CNTN4: variants seen among roughly 807,000 people sequenced by gnomAD.
CNTN4 encodes contactin 4.
Under a neutral mutation model 122.5 loss-of-function variants are expected in CNTN4, and 77 were observed. The observed-to-expected ratio is 0.63, with a 90% CI of 0.52 to 0.76. CNTN4 has a LOEUF of 0.76. Ranked by LOEUF, CNTN4 falls within the 30% of genes least tolerant of loss-of-function variation. The pLI is 0.00. For missense variants in CNTN4, 1,256 were observed against 1,259.1 expected (o/e 1.00, Z 0.04); for synonymous variants, 512 against 447.0 (o/e 1.15, Z -1.83).
At position 3,043,123 on chromosome 3, in the gene CNTN4, C is replaced by T. The variant is rs772978091; in HGVS notation, c.2658C>T (p.Gly886=). 10 of 1,613,952 alleles carry T rather than the reference C, an allele frequency of 6.2e-6. No homozygotes were observed. The highest frequency in any genetic ancestry group is 4.0e-5 in the African/African-American group (3 of 74,886). Residue 886 remains glycine (G), a synonymous_variant, in exon 22 of 25, where the codon GGC becomes GGT. Coordinates refer to ENST00000418658, the MANE Select transcript of CNTN4 (RefSeq NM_175607.3). The part of the protein sequence containing the change: ...AVKAYNSAGT[G]PSSATVNVTT... Reference sequence around the variant, plus strand: ...AGGCATATAATTCTGCTGGGACAGGCCCCTCTAGTGCAACAGTCAATGTGA... The same window carrying T: ...AGGCATATAATTCTGCTGGGACAGGTCCCTCTAGTGCAACAGTCAATGTGA...
At chr3:2,252,250 A>G (rs529670655) in intron 2 of CNTN4, among the ~76,000 whole-genome samples, 1 of 152,150 alleles carries the variant, frequency 6.6e-6, no homozygotes, top group African/African-American at 2.4e-5. Flanking sequence ...ATTATAATGT[A>G]TTAAGTACAG....
intron 3 of CNTN4, among the ~76,000 whole-genome samples, chr3:2,423,480 GTT>G (rs199622494): frequency 1.8e-5 from 2 of 114,206 alleles, no homozygotes; most frequent in Admixed American, 8.8e-5. Flanking sequence ...GTGAAAACTT[GTT>G]TTTTTTTTTT....
chr3:2,320,074 G>T (rs987824690), intron 2 of CNTN4, among the ~76,000 whole-genome samples: 1 of 152,176 alleles, frequency 6.6e-6, no homozygotes, highest in Non-Finnish European at 1.5e-5. Context: ...TTAGCAAAGA[G>T]AATATAGCTG....
intron 2 of CNTN4, among the ~76,000 whole-genome samples, chr3:2,189,965 C>A (rs888831260): frequency 1.3e-5 from 2 of 152,148 alleles, no homozygotes; most frequent in African/African-American, 4.8e-5. Context: ...AGGCTTGGAC[C>A]AGTGTCTCCT....
chr3:3,054,907 G>A (rs1701645059), intron 24 of CNTN4, among the ~76,000 whole-genome samples: 1 of 152,192 alleles, frequency 6.6e-6, no homozygotes, highest in Admixed American at 6.5e-5. Flanking sequence ...GACTTTCACA[G>A]GCTTTCAGAT....
intron 12 of CNTN4, among the ~76,000 whole-genome samples, chr3:2,912,312 A>T (rs1310100472): frequency 1.3e-5 from 2 of 152,242 alleles, no homozygotes; most frequent in African/African-American, 2.4e-5. Context: ...AGGAGCTGCC[A>T]ATCAAGAATA....
chr3:2,371,292 T>C (rs866868293), intron 3 of CNTN4, among the ~76,000 whole-genome samples: 19 of 152,336 alleles, frequency 1.2e-4, no homozygotes, highest in Middle Eastern at 6.8e-3. Flanking sequence ...TTCAACTCTT[T>C]CTTTTGTAGC....
At chr3:2,691,089 GT>G (rs765989554) in intron 4 of CNTN4, among the ~76,000 whole-genome samples, 1 of 151,340 alleles carries the variant, frequency 6.6e-6, no homozygotes, top group Non-Finnish European at 1.5e-5. Context: ...TCAGTGTTTA[GT>G]TTTTATATGT....
intron 5 of CNTN4, among the ~76,000 whole-genome samples, chr3:2,743,969 C>G (rs1324233832): frequency 2.0e-5 from 3 of 152,114 alleles, no homozygotes. Flanking sequence ...CATGCACCAC[C>G]ACACCTGGCT....
At chr3:2,632,764 A>C (rs2082500938) in intron 4 of CNTN4, among the ~76,000 whole-genome samples, 1 of 152,174 alleles carries the variant, frequency 6.6e-6, no homozygotes, top group Non-Finnish European at 1.5e-5. Context: ...ATGACACTGC[A>C]CAAGGTATAT....
chr3:2,241,095 A>G (rs745345219), intron 2 of CNTN4, among the ~76,000 whole-genome samples: 6 of 152,198 alleles, frequency 3.9e-5, no homozygotes, highest in Non-Finnish European at 4.4e-5. Context: ...GCAAATCAGT[A>G]TAAACAAATT....
chr3:3,039,663 G>T (rs913914889), intron 19 of CNTN4: 1 of 263,270 alleles, frequency 3.8e-6, no homozygotes. Flanking sequence ...CCTTCAGTGA[G>T]ATCTTTTGTC....
At chr3:2,734,572 C>A (rs1366490019) in intron 4 of CNTN4, among the ~76,000 whole-genome samples, 8 of 152,096 alleles carry the variant, frequency 5.3e-5, no homozygotes, top group African/African-American at 1.4e-4. Context: ...TCCTCAGTCC[C>A]CAGTAATAAG....
At chr3:2,236,221 C>T (rs1414997897) in intron 2 of CNTN4, among the ~76,000 whole-genome samples, 4 of 152,064 alleles carry the variant, frequency 2.6e-5, no homozygotes, top group Non-Finnish European at 4.4e-5. Context: ...TGCTAAAACT[C>T]GGTAATTTGG....
At chr3:2,953,676 C>T (rs751435466) in intron 13 of CNTN4, among the ~76,000 whole-genome samples, 4 of 152,144 alleles carry the variant, frequency 2.6e-5, no homozygotes, top group Non-Finnish European at 5.9e-5. Context: ...ATATATTCAA[C>T]ACCTACCTAG....
chr3:2,738,769 G>A (rs1204367448), intron 5 of CNTN4, among the ~76,000 whole-genome samples: 1 of 152,098 alleles, frequency 6.6e-6, no homozygotes, highest in Non-Finnish European at 1.5e-5. Flanking sequence ...AATTCCGAGT[G>A]TATAGAAGAC....
chr3:2,601,465 C>G (rs2081043599), intron 4 of CNTN4, among the ~76,000 whole-genome samples: 1 of 152,146 alleles, frequency 6.6e-6, no homozygotes, highest in Non-Finnish European at 1.5e-5. Flanking sequence ...GGAATCCTTT[C>G]CTCATTCCTT....
At chr3:2,561,271 T>C (rs904538450) in intron 3 of CNTN4, among the ~76,000 whole-genome samples, 1 of 152,172 alleles carries the variant, frequency 6.6e-6, no homozygotes, top group Admixed American at 6.5e-5. Flanking sequence ...GTTAGCAGAA[T>C]TGGCACTCTG....
At chr3:2,778,107 A>G (rs1973686) in intron 6 of CNTN4, among the ~76,000 whole-genome samples, 9,169 of 130,190 alleles carry the variant, frequency 0.07, 755 homozygotes, top group Middle Eastern at 0.13. Flanking sequence ...CCAGCTACTC[A>G]GGAGGCTGAG....
Sources: allele counts gnomAD v4.1 joint callset (sites outside exome capture counted in the v4.1 genomes callset), GRCh38; gene constraint gnomAD v4.1.1; transcripts MANE v1.5; gene names NCBI Gene and HGNC (gene_info 2026-07-23, HGNC 2026-07-21).